Variants in NCAM2 observed in about 807,000 individuals in gnomAD.
The protein encoded by NCAM2 is N-CAM-2.
In NCAM2, 30 loss-of-function variants were observed where a neutral mutation model predicts 98.1. The ratio of observed to expected loss-of-function variants is 0.31; its 90% CI spans 0.23 to 0.41. The LOEUF (loss-of-function observed/expected upper bound fraction) is 0.41. Ranked by LOEUF, NCAM2 falls within the 10% of genes least tolerant of loss-of-function variation. NCAM2 has a pLI of 1.00. For missense variants in NCAM2, 867 were observed against 1,005.8 expected, an observed-to-expected ratio of 0.86 and a Z score of 1.87; for synonymous variants, 368 against 342.4, an observed-to-expected ratio of 1.07 and a Z score of -0.83.
At chr21:21,513,936 T>G (rs1988550469) in intron 16 of NCAM2, among the ~76,000 whole-genome samples, 1 of 152,026 alleles carries the variant, frequency 6.6e-6, no homozygotes, top group Non-Finnish European at 1.5e-5. Flanking sequence ...CCTTTATCAT[T>G]TTATAATGAC....
At chr21:21,050,053 G>A (rs2146291068) in intron 1 of NCAM2, among the ~76,000 whole-genome samples, 1 of 151,738 alleles carries the variant, frequency 6.6e-6, no homozygotes, top group East Asian at 1.9e-4. Context: ...TCAGGTGACT[G>A]ATCAAATGAC....
intron 9 of NCAM2, among the ~76,000 whole-genome samples, chr21:21,406,908 A>G (rs1047274527): frequency 1.3e-5 from 2 of 152,060 alleles, no homozygotes. Flanking sequence ...TTTTTCTTTC[A>G]TATATATGTG....
At chr21:21,505,019 C>A (rs909287090) in intron 15 of NCAM2, among the ~76,000 whole-genome samples, 1 of 151,858 alleles carries the variant, frequency 6.6e-6, no homozygotes, top group Non-Finnish European at 1.5e-5. Context: ...AATACCTGAT[C>A]TTATTCTATT....
chr21:21,386,392 A>G, intron 9 of NCAM2, among the ~76,000 whole-genome samples: 1 of 152,202 alleles, frequency 6.6e-6, no homozygotes. Flanking sequence ...AGTACATTTA[A>G]GCCAATGAAA....
At chr21:21,079,475 A>G (rs962361752) in intron 1 of NCAM2, among the ~76,000 whole-genome samples, 1 of 152,296 alleles carries the variant, frequency 6.6e-6, no homozygotes, top group African/African-American at 2.4e-5. Context: ...AGGATTTCTT[A>G]TAATAAAATA....
At chr21:21,398,404 C>A (rs1325614613) in intron 9 of NCAM2, among the ~76,000 whole-genome samples, 2 of 151,906 alleles carry the variant, frequency 1.3e-5, no homozygotes, top group Non-Finnish European at 2.9e-5. Flanking sequence ...TCCCCAAAAA[C>A]CTATTGAAAT....
chr21:21,246,385 A>G (rs1406813671), intron 1 of NCAM2, among the ~76,000 whole-genome samples: 1 of 152,198 alleles, frequency 6.6e-6, no homozygotes, highest in Non-Finnish European at 1.5e-5. Context: ...GGGTAATTTG[A>G]TAGCAGAAAT....
chr21:21,470,572 G>A (rs1046437644), intron 14 of NCAM2, among the ~76,000 whole-genome samples: 3 of 151,908 alleles, frequency 2.0e-5, no homozygotes, highest in Non-Finnish European at 2.9e-5. Context: ...CCGTTTTCTC[G>A]CCTTTCTCTT....
chr21:21,359,431 TG>T (rs2075584549), intron 8 of NCAM2, among the ~76,000 whole-genome samples: 1 of 152,022 alleles, frequency 6.6e-6, no homozygotes, highest in East Asian at 1.9e-4. Flanking sequence ...AGTCATATGT[TG>T]AAAATGTCAT....
chr21:21,063,180 T>C (rs2065356190), intron 1 of NCAM2, among the ~76,000 whole-genome samples: 1 of 145,752 alleles, frequency 6.9e-6, no homozygotes, highest in Non-Finnish European at 1.5e-5. Flanking sequence ...CCCTGGTCCC[T>C]CAAGTCATAG....
At chr21:21,164,432 A>G (rs1009341804) in intron 1 of NCAM2, among the ~76,000 whole-genome samples, 7 of 152,194 alleles carry the variant, frequency 4.6e-5, no homozygotes, top group Non-Finnish European at 8.8e-5. Flanking sequence ...CCTTTGCAAG[A>G]TATTTGCAAA....
At chr21:21,235,292 G>T (rs1190640673) in intron 1 of NCAM2, among the ~76,000 whole-genome samples, 1 of 151,846 alleles carries the variant, frequency 6.6e-6, no homozygotes, top group Admixed American at 6.6e-5. Flanking sequence ...ACAGCTTTTG[G>T]CAAGGAAGAA....
chr21:21,337,041 G>T (rs1217635736), intron 7 of NCAM2, among the ~76,000 whole-genome samples: 4 of 152,060 alleles, frequency 2.6e-5, no homozygotes, highest in Admixed American at 6.6e-5. Flanking sequence ...TCCCTAACTT[G>T]TTCTAGCAGT....
chr21:21,151,283 C>T (rs539122953), intron 1 of NCAM2, among the ~76,000 whole-genome samples: 3 of 151,918 alleles, frequency 2.0e-5, no homozygotes, highest in South Asian at 4.2e-4. Context: ...TATTTTTTAT[C>T]ATTATACTTC....
At chr21:21,250,792 A>G (rs907017727) in intron 1 of NCAM2, among the ~76,000 whole-genome samples, 1 of 152,244 alleles carries the variant, frequency 6.6e-6, no homozygotes, top group East Asian at 1.9e-4. Flanking sequence ...TATAAAGTGT[A>G]TTAAATTTCA....
chr21:21,115,989 G>GTGTGTGTCTGTC (rs796784161), intron 1 of NCAM2, among the ~76,000 whole-genome samples: 2 of 130,748 alleles, frequency 1.5e-5, no homozygotes, highest in African/African-American at 5.6e-5. Context: ...GTGTGTGTGT[G>GTGTGTGTCTGTC]TGTCTGTCTG....
At chr21:21,537,373 T>C (rs182663559) in intron 17 of NCAM2, among the ~76,000 whole-genome samples, 1 of 152,234 alleles carries the variant, frequency 6.6e-6, no homozygotes, top group Admixed American at 6.5e-5. Context: ...TGTAACAGAA[T>C]ATGGCAACAA....
chr21:21,239,172 G>A (rs1435981225), intron 1 of NCAM2, among the ~76,000 whole-genome samples: 1 of 152,052 alleles, frequency 6.6e-6, no homozygotes, highest in South Asian at 2.1e-4. Flanking sequence ...TCAGATGTTG[G>A]GCAAGCCCAA....
chr21:21,450,178 A>G (rs1367944922), intron 12 of NCAM2, among the ~76,000 whole-genome samples: 1 of 152,110 alleles, frequency 6.6e-6, no homozygotes. Flanking sequence ...AATAATATAA[A>G]TTACAATTTA....
Sources: allele counts gnomAD v4.1 joint callset (sites outside exome capture counted in the v4.1 genomes callset), GRCh38; gene constraint gnomAD v4.1.1; transcripts MANE v1.5; gene names NCBI Gene and HGNC (gene_info 2026-07-23, HGNC 2026-07-21).